The following GAS7 variants were observed in gnomAD, a reference collection of about 807,000 sequenced individuals.
GAS7 encodes growth arrest-specific protein 7.
GAS7 carries 28 observed loss-of-function variants against 71.1 expected under a neutral mutation model. That is an observed-to-expected ratio of 0.39 (90% confidence interval 0.29 to 0.54). The LOEUF (loss-of-function observed/expected upper bound fraction) is 0.54. Among genes scored for constraint, GAS7 ranks in the 20% least tolerant of loss-of-function variants. GAS7 has a pLI of 0.62. For synonymous variants in GAS7, 258 were observed against 245.8 expected, an observed-to-expected ratio of 1.05 and a Z score of -0.46; for missense variants, 436 against 627.8, an observed-to-expected ratio of 0.69 and a Z score of 3.27.
rs1189304115 is a variant in GAS7, at chr17:9,969,189, AAC to A, written c.471+486_471+487del. Among the ~76,000 whole-genome samples the A allele has an allele frequency of 3.3e-5, 5 of 152,194 alleles. No individual in the cohort carries two copies. Among genetic ancestry groups the A allele is most frequent in the African/African-American group, 1.2e-4 (5 of 41,440 alleles). On this transcript the variant is annotated intron_variant, in intron 4 of 13. Coordinates refer to ENST00000432992, the MANE Select transcript of GAS7 (RefSeq NM_201433.2). The surrounding 1 kb of genome is among the most constrained non-coding windows in gnomAD (Gnocchi z 5.5). The stretch of plus-strand genomic sequence containing the variant: ...CATCAAGTAGGATGGAGACTGAGAA[AAC>A]AGTTTGGAAATCGTACAACATACTC...
chr17:9,932,975 A>G (rs781246962), intron 9 of GAS7, among the ~76,000 whole-genome samples: 1 of 152,100 alleles, frequency 6.6e-6, no homozygotes, highest in African/African-American at 2.4e-5. Flanking sequence ...GTTCAACACC[A>G]GCCTGGCCAA....
chr17:10,041,383 CG>C (rs2072867558), intron 1 of GAS7, among the ~76,000 whole-genome samples: 1 of 152,056 alleles, frequency 6.6e-6, no homozygotes, highest in Non-Finnish European at 1.5e-5. Flanking sequence ...ATCACACAGA[CG>C]AACAGATACA....
chr17:9,992,406 G>A (rs531182159), intron 2 of GAS7, among the ~76,000 whole-genome samples: 8 of 152,054 alleles, frequency 5.3e-5, no homozygotes, highest in Non-Finnish European at 1.0e-4. Flanking sequence ...TAGAATAGGT[G>A]AAGATGAGGA....
rs1383448949 is a variant in GAS7 at position 10,030,019 on chromosome 17, A to ATATCAGG, written c.184-10129_184-10123dup. ...CGTGTCCTGTTGTCCCTCCTGCCAAATATCAGGTATCAGGTACCTGACCAG... is the reference window on the plus strand; with the variant it reads ...CGTGTCCTGTTGTCCCTCCTGCCAAATATCAGGTATCAGGTATCAGGTACCTGACCAG... On this transcript the variant is annotated intron_variant, in intron 1 of 13. Coordinates refer to ENST00000432992, the MANE Select transcript of GAS7 (RefSeq NM_201433.2). Among the ~76,000 whole-genome samples, 5 of 152,262 alleles carry ATATCAGG rather than the reference A, an allele frequency of 3.3e-5. No individual in the cohort carries two copies. In the East Asian group the frequency reaches 9.6e-4, roughly 29 times the overall value.
At chr17:9,986,914 G>A (rs2070671385) in intron 2 of GAS7, among the ~76,000 whole-genome samples, 1 of 152,206 alleles carries the variant, frequency 6.6e-6, no homozygotes, top group South Asian at 2.1e-4. Flanking sequence ...GCAGACATCT[G>A]GAGAGAGCCA....
intron 1 of GAS7, among the ~76,000 whole-genome samples, chr17:10,102,474 G>T (rs2073712548): frequency 6.6e-6 from 1 of 152,130 alleles, no homozygotes; most frequent in South Asian, 2.1e-4. Flanking sequence ...GACTACGCAA[G>T]GTTGGGCAGC....
At chr17:10,134,482 A>G (rs553927830) in intron 1 of GAS7, among the ~76,000 whole-genome samples, 2 of 152,224 alleles carry the variant, frequency 1.3e-5, no homozygotes, top group Admixed American at 1.3e-4. Flanking sequence ...TTCTATTTTT[A>G]ATTTTTTGTG....
intron 5 of GAS7, among the ~76,000 whole-genome samples, chr17:9,950,643 G>A (rs562720487): frequency 6.6e-6 from 1 of 152,080 alleles, no homozygotes; most frequent in South Asian, 2.1e-4. Context: ...GGATCACAAG[G>A]TCAGAAGTTG....
chr17:9,961,385 C>T (rs980115005), intron 4 of GAS7, among the ~76,000 whole-genome samples: 2 of 152,158 alleles, frequency 1.3e-5, no homozygotes, highest in African/African-American at 2.4e-5. Flanking sequence ...GGTTCATTCA[C>T]GTACAGACTC....
At chr17:10,111,337 T>C (rs2073810231) in intron 1 of GAS7, among the ~76,000 whole-genome samples, 2 of 23,526 alleles carry the variant, frequency 8.5e-5, no homozygotes, top group African/African-American at 3.0e-4. Context: ...ATTGAGACAA[T>C]GTTGGATAAC....
chr17:10,100,992 C>T (rs755130239), intron 1 of GAS7, among the ~76,000 whole-genome samples: 43 of 152,150 alleles, frequency 2.8e-4, no homozygotes, highest in East Asian at 5.8e-4. Flanking sequence ...CATTTGGCCA[C>T]GTGCAGTGGC....
intron 1 of GAS7, among the ~76,000 whole-genome samples, chr17:10,175,985 T>A (rs537045907): frequency 6.6e-6 from 1 of 152,260 alleles, no homozygotes; most frequent in Non-Finnish European, 1.5e-5. Context: ...ATCCCCGTTA[T>A]CACTCGGTCT....
chr17:10,036,487 G>A (rs960973761), intron 1 of GAS7: 14 of 1,613,326 alleles, frequency 8.7e-6, no homozygotes, highest in African/African-American at 1.3e-5. Flanking sequence ...GGAGAGTCTT[G>A]GGTCCTGCCT....
At chr17:10,084,947 T>C (rs995402911) in intron 1 of GAS7, among the ~76,000 whole-genome samples, 3 of 152,126 alleles carry the variant, frequency 2.0e-5, no homozygotes, top group African/African-American at 4.8e-5. Flanking sequence ...TCAGGACACT[T>C]CGTGCTGATA....
chr17:10,014,801 G>A (rs901260969), intron 2 of GAS7, among the ~76,000 whole-genome samples: 6 of 152,056 alleles, frequency 3.9e-5, no homozygotes, highest in African/African-American at 1.4e-4. Context: ...CCCAGAGCCC[G>A]GCTCAGTGGC....
At chr17:9,947,127 C>T in intron 5 of GAS7, 144 bp from the exon 6 acceptor site, 1 of 574,302 alleles carries the variant, frequency 1.7e-6, no homozygotes, top group Non-Finnish European at 3.2e-6. Flanking sequence ...CAGGGGCCAG[C>T]ATTTCACATG....
chr17:9,943,082 G>A lies in GAS7; in HGVS notation c.731+39C>T, dbSNP rs1438925086. On this transcript the variant is annotated intron_variant, in intron 7 of 13. Transcript: ENST00000432992. ...CGGCCACGGGGCCCCGGGGAACACTGGTGCCAGGCCCCAGGGCTGGGAGGG... is the reference window on the plus strand; with the variant it reads ...CGGCCACGGGGCCCCGGGGAACACTAGTGCCAGGCCCCAGGGCTGGGAGGG... The A allele has an allele frequency of 5.2e-6, 7 of 1,341,870 alleles. 1 individual carries two copies. Among genetic ancestry groups the A allele is most frequent in the Admixed American group, 5.1e-5 (3 of 59,288 alleles). 83.1% of individuals were successfully genotyped at this position (1,341,870 alleles called of 1,614,324 possible).
At position 9,974,871 on chromosome 17, in the gene GAS7, T is replaced by C. The variant is rs1036009205; in HGVS notation, c.386-5109A>G. On this transcript the variant is annotated intron_variant, in intron 3 of 13. Coordinates refer to ENST00000432992, the MANE Select transcript of GAS7 (RefSeq NM_201433.2). This position sits in a 1 kb window ranked among gnomAD's most constrained non-coding sequence, Gnocchi z 4.0. ...ACCCCCACCCACAGCTCGGCTTCCATATCTCAGTACCGATCCCTGAGGGAA... is the reference window on the plus strand; with the variant it reads ...ACCCCCACCCACAGCTCGGCTTCCACATCTCAGTACCGATCCCTGAGGGAA... 2.6e-5 allele frequency among the ~76,000 whole-genome samples: 4 copies of C among 152,128 alleles called. No homozygotes were observed. Among genetic ancestry groups the C allele is most frequent in the African/African-American group, 7.2e-5 (3 of 41,430 alleles).
chr17:9,986,918 A>T (rs11651526), intron 2 of GAS7, among the ~76,000 whole-genome samples: 1,648 of 152,328 alleles, frequency 0.011, 15 homozygotes, highest in Non-Finnish European at 0.02. Context: ...ACATCTGGAG[A>T]GAGCCACTGG....
Sources: allele counts gnomAD v4.1 joint callset (sites outside exome capture counted in the v4.1 genomes callset), GRCh38; gene constraint gnomAD v4.1.1; non-coding constraint Gnocchi (gnomAD v3.1); transcripts MANE v1.5; gene names NCBI Gene and HGNC (gene_info 2026-07-23, HGNC 2026-07-21).